The following GSDME variants were observed in gnomAD, a reference collection of about 807,000 sequenced individuals.
GSDME encodes gasdermin E, also known as gasdermin-E.
Under a neutral mutation model 47.5 loss-of-function variants are expected in GSDME, and 44 were observed. The observed-to-expected ratio is 0.93, with a 90% CI of 0.73 to 1.19. GSDME has a LOEUF of 1.19. Ranked by LOEUF, GSDME falls within the 50% of genes most tolerant of loss-of-function variation. The pLI is 0.00. For missense variants in GSDME, 663 were observed against 604.2 expected (o/e 1.10, Z -1.02); for synonymous variants, 258 against 252.8 (o/e 1.02, Z -0.20).
In GSDME at chr7:24,726,236, T is replaced by G. The variant is rs1236117456; in HGVS notation, c.405-7018A>C. Among the ~76,000 whole-genome samples, 1 of 152,174 alleles carries G rather than the reference T, an allele frequency of 6.6e-6. No homozygotes were observed. The highest frequency in any genetic ancestry group is 2.4e-5 in the African/African-American group (1 of 41,430). On this transcript the variant is annotated intron_variant, in intron 3 of 9. Transcript: ENST00000645220. This position sits in a 1 kb window ranked among gnomAD's most constrained non-coding sequence, Gnocchi z 5.6. Reference sequence around the variant, plus strand: ...CTTCTAAGACTTTCAAGAGCCAAAATGCAAACTCACAGAGGAGAAACCCAG... The same window carrying G: ...CTTCTAAGACTTTCAAGAGCCAAAAGGCAAACTCACAGAGGAGAAACCCAG...
rs141575636 is a variant in GSDME at position 24,748,348 on chromosome 7, T to C, written c.211+1216A>G. 6.6e-3 allele frequency among the ~76,000 whole-genome samples: 1,008 copies of C among 151,590 alleles called. 10 individuals carry two copies. The highest frequency in any genetic ancestry group is 0.023 in the African/African-American group (964 of 41,356). ...CTAATTTTTATATTTTTAGTAGAGATGGGGTTTCACCATGTTGGCCAGGCT... is the reference window on the plus strand; with the variant it reads ...CTAATTTTTATATTTTTAGTAGAGACGGGGTTTCACCATGTTGGCCAGGCT... On this transcript the variant is annotated intron_variant, in intron 2 of 9. Transcript: ENST00000645220.
upstream of GSDME, among the ~76,000 whole-genome samples, chr7:24,758,443 A>G (rs1791108498): frequency 6.6e-6 from 1 of 152,046 alleles, no homozygotes; most frequent in South Asian, 2.1e-4. This position sits in a 1 kb window ranked among gnomAD's most constrained non-coding sequence, Gnocchi z 4.6. Context: ...TGTGTGCCTC[A>G]GGTTACGAGC....
Position 24,710,325 on chromosome 7 carries a change from T to C in GSDME, c.761A>G (p.Tyr254Cys). 6.2e-7 allele frequency: 1 copy of C among 1,614,270 alleles called. No individual in the cohort carries two copies. The highest frequency in any genetic ancestry group is 8.5e-7 in the Non-Finnish European group (1 of 1,180,052). Residue 254 changes from tyrosine to cysteine, a missense_variant, in exon 6 of 10, where the codon TAC (tyrosine) becomes TGC (cysteine). By Grantham distance (194) the Tyr-to-Cys change is radical. Transcript: ENST00000645220. ...CTCTCGAAAGACCAGGGGGTCCAGG[T>C]AGACAGAGTCAATTCTCTTCTTGTT... ...FENKKRIDSV[Y>C]LDPLVFREFA...
At chr7:24,710,117 T>C in intron 6 of GSDME, 107 bp downstream of exon 6, 2 of 1,244,326 alleles carry the variant, frequency 1.6e-6, no homozygotes, top group Non-Finnish European at 1.2e-6. Context: ...TCATATGTTT[T>C]CTGTGAGTCA....
rs533745312 is a variant in GSDME at position 24,711,319 on chromosome 7, G to A, written c.698-931C>T. ...TCTCAGCTCACTACAACCTCCGTTT[G>A]CTGGAAGCGATTCTCCTGTCTCACC... is the stretch of plus-strand genomic sequence containing the variant. On this transcript the variant is annotated intron_variant, in intron 5 of 9. Transcript: ENST00000645220. Among the ~76,000 whole-genome samples, 4 of 152,164 alleles carry A rather than the reference G, an allele frequency of 2.6e-5. No individual in the cohort carries two copies. In the East Asian group the frequency reaches 5.8e-4, roughly 22 times the overall value.
In GSDME at chr7:24,749,721, GTCA is replaced by G; in HGVS notation, c.51_53del (p.Asp18del). On this transcript the variant is annotated inframe_deletion, in exon 2 of 10. Coordinates refer to ENST00000645220, the MANE Select transcript of GSDME (RefSeq NM_001127453.2). ...CATTCAGATTTGATACTGCAATCAG[GTCA>G]CCATCAGCATCAACTTCTCTAAGAA... The G allele has an allele frequency of 6.2e-7, 1 of 1,614,082 alleles. No individual in the cohort carries two copies. The highest frequency in any genetic ancestry group is 8.5e-7 in the Non-Finnish European group (1 of 1,179,972).
chr7:24,748,339 T>C (rs1420929656), intron 2 of GSDME, among the ~76,000 whole-genome samples: 2 of 151,628 alleles, frequency 1.3e-5, no homozygotes, highest in East Asian at 3.9e-4. Flanking sequence ...TTTATATTTT[T>C]AGTAGAGATG....
At chr7:24,787,596 C>T in the GSDME span, among the ~76,000 whole-genome samples, 5 of 151,984 alleles carry the variant, frequency 3.3e-5, no homozygotes, top group African/African-American at 7.3e-5. The surrounding 1 kb of genome is among the most constrained non-coding windows in gnomAD (Gnocchi z 5.0). Context: ...GTTTAAATTA[C>T]GGCAGTTAAT....
In GSDME at chr7:24,744,556, C is replaced by T; in HGVS notation, c.404+6G>A. On this transcript the variant is annotated splice_donor_region_variant and intron_variant, in intron 3 of 9. Coordinates refer to ENST00000645220, the MANE Select transcript of GSDME (RefSeq NM_001127453.2). The surrounding 1 kb of genome is among the most constrained non-coding windows in gnomAD (Gnocchi z 4.5). ...AAAATCCAAAATGCCAAACAAGTCTCCTTACCTCTCGGCAGAGTCTCTGAT... is the reference window on the plus strand; with the variant it reads ...AAAATCCAAAATGCCAAACAAGTCTTCTTACCTCTCGGCAGAGTCTCTGAT... The T allele has an allele frequency of 1.2e-6, 2 of 1,614,142 alleles. No homozygotes were observed. Among genetic ancestry groups the T allele is most frequent in the Non-Finnish European group, 1.7e-6 (2 of 1,180,044 alleles).
chr7:24,773,694 T>C, the GSDME span, among the ~76,000 whole-genome samples: 3 of 152,336 alleles, frequency 2.0e-5, no homozygotes, highest in East Asian at 5.8e-4. The surrounding 1 kb of genome is among the most constrained non-coding windows in gnomAD (Gnocchi z 5.4). Context: ...CATGGCCTCT[T>C]AGGTTTTGTC....
chr7:24,738,228 A>G (rs944837315), intron 3 of GSDME, among the ~76,000 whole-genome samples: 7 of 150,696 alleles, frequency 4.6e-5, no homozygotes. Flanking sequence ...GGAAAAACTT[A>G]AAGACTCCAC....
chr7:24,773,010 T>C, the GSDME span, among the ~76,000 whole-genome samples: 6 of 152,298 alleles, frequency 3.9e-5, no homozygotes, highest in South Asian at 1.0e-3. This position sits in a 1 kb window ranked among gnomAD's most constrained non-coding sequence, Gnocchi z 5.4. Flanking sequence ...TTGCTGATTA[T>C]AGACAATGGG....
In GSDME at chr7:24,707,986, C is replaced by T. The variant is rs147310990; in HGVS notation, c.990+141G>A. On this transcript the variant is annotated intron_variant, in intron 7 of 9. Coordinates refer to ENST00000645220, the MANE Select transcript of GSDME (RefSeq NM_001127453.2). ...CAGCTACCTGTCTGCACTTAGAAAA[C>T]GCAGGACCCAAGAGTCAGAAAAGAG... is the stretch of plus-strand genomic sequence containing the variant. 1.0e-3 allele frequency: 1,089 copies of T among 1,049,852 alleles called. 10 individuals carry two copies. In the East Asian group the frequency reaches 0.021, roughly 20 times the overall value. The allele number at this position is 1,049,852 out of a possible 1,614,324, so 65.0% of individuals were successfully genotyped here.
the GSDME span, among the ~76,000 whole-genome samples, chr7:24,781,737 AAC>A: frequency 6.8e-6 from 1 of 146,916 alleles, no homozygotes; most frequent in Admixed American, 6.9e-5. Flanking sequence ...TGTTAATGAA[AAC>A]ACTCTTTTGG....
chr7:24,710,284 T>C lies in GSDME; in HGVS notation c.802A>G (p.Met268Val), dbSNP rs750203754. The stretch of plus-strand genomic sequence containing the variant: ...GATATCCCATGCGCAGCATCTGGCA[T>C]GTCTATGAATGCAAACTCTCGAAAG... ...LVFREFAFIDMPDAAHGISSQ... is the reference protein window; with the variant it reads ...LVFREFAFIDVPDAAHGISSQ... Residue 268 changes from methionine to valine, a missense_variant, in exon 6 of 10, where the codon ATG becomes GTG. Transcript: ENST00000645220. 25 of 1,614,144 alleles carry C rather than the reference T, an allele frequency of 1.5e-5. No homozygotes were observed. Among genetic ancestry groups the C allele is most frequent in the East Asian group, 8.9e-5 (4 of 44,904 alleles).
the GSDME span, among the ~76,000 whole-genome samples, chr7:24,775,001 G>A: frequency 3.3e-5 from 5 of 152,152 alleles, no homozygotes; most frequent in Admixed American, 2.0e-4. Flanking sequence ...TGCATAATAG[G>A]TGGCCCTGGG....
At chr7:24,791,380 A>G in the GSDME span, among the ~76,000 whole-genome samples, 2 of 152,150 alleles carry the variant, frequency 1.3e-5, no homozygotes, top group South Asian at 4.1e-4. This position sits in a 1 kb window ranked among gnomAD's most constrained non-coding sequence, Gnocchi z 4.8. Flanking sequence ...GAGATCTTCA[A>G]AGGGGGCTGC....
the GSDME span, among the ~76,000 whole-genome samples, chr7:24,792,830 G>T: frequency 6.6e-6 from 1 of 152,086 alleles, no homozygotes; most frequent in South Asian, 2.1e-4. Context: ...TGATAAGAAC[G>T]TAATTTTCAG....
At chr7:24,790,171 A>G in the GSDME span, among the ~76,000 whole-genome samples, 5 of 152,224 alleles carry the variant, frequency 3.3e-5, no homozygotes, top group African/African-American at 1.2e-4. The surrounding 1 kb of genome is among the most constrained non-coding windows in gnomAD (Gnocchi z 4.1). Context: ...TCAAGAGCCA[A>G]TCTATTTTGA....
Sources: gnomAD v4.1 joint callset for allele counts (sites outside exome capture counted in the v4.1 genomes callset) on GRCh38, gnomAD v4.1.1 for gene constraint, Gnocchi (gnomAD v3.1) non-coding constraint, MANE v1.5 for transcripts, NCBI Gene and HGNC (gene_info 2026-07-23, HGNC 2026-07-21) for gene names.